ADARB2: variants seen among roughly 807,000 people sequenced by gnomAD.
ADARB2 encodes adenosine deaminase RNA specific B2 (inactive).
Under a neutral mutation model 62.2 loss-of-function variants are expected in ADARB2, and 25 were observed. The ratio of observed to expected loss-of-function variants is 0.40; its 90% CI spans 0.29 to 0.56. The LOEUF (loss-of-function observed/expected upper bound fraction) is 0.56. ADARB2 is among the 20% of genes least tolerant of loss of function. ADARB2 has a pLI of 0.43. For synonymous variants in ADARB2, 572 were observed against 500.8 expected, an observed-to-expected ratio of 1.14 and a Z score of -1.90; for missense variants, 1,071 against 1,077.4, an observed-to-expected ratio of 0.99 and a Z score of 0.08.
At chr10:1,313,744 G>A (rs980132891) in intron 3 of ADARB2, among the ~76,000 whole-genome samples, 3 of 152,156 alleles carry the variant, frequency 2.0e-5, no homozygotes, top group African/African-American at 4.8e-5. Context: ...CGAGTTAATC[G>A]AGGGGCCTTG....
intron 1 of ADARB2, among the ~76,000 whole-genome samples, chr10:1,564,960 AG>A: frequency 6.6e-6 from 1 of 152,310 alleles, no homozygotes; most frequent in East Asian, 1.9e-4. Flanking sequence ...CCAGCGATTC[AG>A]GCCTGGCCTC....
chr10:1,608,006 A>G (rs1361898167), intron 1 of ADARB2, among the ~76,000 whole-genome samples: 1 of 152,210 alleles, frequency 6.6e-6, no homozygotes, highest in East Asian at 1.9e-4. Flanking sequence ...GCCCTGTCCC[A>G]TGGGGGGCCA....
chr10:1,280,676 C>T (rs768845787), intron 3 of ADARB2, among the ~76,000 whole-genome samples: 4 of 151,344 alleles, frequency 2.6e-5, no homozygotes, highest in Non-Finnish European at 4.4e-5. Flanking sequence ...CTGAGTGATG[C>T]TCTATGAAAT....
chr10:1,198,197 G>A (rs1004163070), intron 8 of ADARB2, among the ~76,000 whole-genome samples: 5 of 152,216 alleles, frequency 3.3e-5, no homozygotes, highest in African/African-American at 7.2e-5. Context: ...GTGTGAGTAA[G>A]GGTATCTTTT....
intron 1 of ADARB2, among the ~76,000 whole-genome samples, chr10:1,519,289 T>C (rs148931380): frequency 0.042 from 6,350 of 152,276 alleles, 215 homozygotes; most frequent in Non-Finnish European, 0.069. Context: ...ATGCATTCCA[T>C]GTAACATCTG....
chr10:1,434,833 T>C (rs552046117), intron 1 of ADARB2, among the ~76,000 whole-genome samples: 26 of 152,206 alleles, frequency 1.7e-4, no homozygotes, highest in Non-Finnish European at 2.9e-4. Flanking sequence ...GCTTAGAAGG[T>C]ACAGAAGCTC....
At chr10:1,719,773 T>A (rs148910830) in intron 1 of ADARB2, among the ~76,000 whole-genome samples, 1 of 152,278 alleles carries the variant, frequency 6.6e-6, no homozygotes, top group Non-Finnish European at 1.5e-5. Context: ...AAACATGCGA[T>A]CCACAAGCAT....
intron 3 of ADARB2, among the ~76,000 whole-genome samples, chr10:1,352,615 A>G (rs1269478948): frequency 1.3e-5 from 2 of 152,204 alleles, no homozygotes; most frequent in African/African-American, 4.8e-5. Flanking sequence ...TAATACTTTT[A>G]GAGGCCCTCA....
chr10:1,348,036 A>T (rs1832097036), intron 3 of ADARB2, among the ~76,000 whole-genome samples: 1 of 151,938 alleles, frequency 6.6e-6, no homozygotes, highest in South Asian at 2.1e-4. Context: ...CGAGAGAGAC[A>T]GAGACAGAAG....
chr10:1,288,509 G>T (rs1831433785), intron 3 of ADARB2, among the ~76,000 whole-genome samples: 1 of 152,196 alleles, frequency 6.6e-6, no homozygotes, highest in African/African-American at 2.4e-5. Context: ...AAAACTCCTT[G>T]CCCAGCACAC....
At chr10:1,495,279 T>A (rs1372469325) in intron 1 of ADARB2, among the ~76,000 whole-genome samples, 1 of 152,234 alleles carries the variant, frequency 6.6e-6, no homozygotes, top group East Asian at 1.9e-4. Flanking sequence ...AGATTCATGC[T>A]GGAGGAAACA....
chr10:1,230,818 C>T (rs1297923404), intron 6 of ADARB2, among the ~76,000 whole-genome samples: 1 of 152,148 alleles, frequency 6.6e-6, no homozygotes, highest in African/African-American at 2.4e-5. Context: ...TGCAGAGGCA[C>T]AGCACAGGCA....
intron 1 of ADARB2, among the ~76,000 whole-genome samples, chr10:1,481,875 A>G (rs1206688064): frequency 1.3e-5 from 2 of 149,560 alleles, no homozygotes; most frequent in Non-Finnish European, 1.5e-5. Flanking sequence ...AAAAAAAGAG[A>G]ATAGAAAAGA....
chr10:1,712,427 C>T (rs1041080288), intron 1 of ADARB2, among the ~76,000 whole-genome samples: 8 of 151,780 alleles, frequency 5.3e-5, no homozygotes, highest in Non-Finnish European at 1.2e-4. Flanking sequence ...GCAGAATATA[C>T]TGCTTTTTTT....
At chr10:1,723,774 T>C (rs984581910) in intron 1 of ADARB2, among the ~76,000 whole-genome samples, 7 of 152,130 alleles carry the variant, frequency 4.6e-5, no homozygotes, top group African/African-American at 1.7e-4. Flanking sequence ...ACCACCCTGT[T>C]AGAGGGCACC....
intron 1 of ADARB2, among the ~76,000 whole-genome samples, chr10:1,443,455 A>G (rs1346825471): frequency 6.6e-6 from 1 of 152,084 alleles, no homozygotes; most frequent in Non-Finnish European, 1.5e-5. Context: ...ATTCCTAACA[A>G]CTTCTTTGAT....
At chr10:1,304,743 C>T (rs1176935000) in intron 3 of ADARB2, among the ~76,000 whole-genome samples, 6 of 147,558 alleles carry the variant, frequency 4.1e-5, no homozygotes, top group Non-Finnish European at 6.0e-5. Context: ...CGCTCAACTA[C>T]ATGGAAACTG....
intron 1 of ADARB2, among the ~76,000 whole-genome samples, chr10:1,501,823 C>T (rs769149657): frequency 7.9e-5 from 12 of 152,158 alleles, no homozygotes; most frequent in Non-Finnish European, 1.5e-4. Context: ...TATTCACTGA[C>T]AAGAACCTGG....
At chr10:1,357,276 G>T (rs1027284283) in intron 3 of ADARB2, among the ~76,000 whole-genome samples, 1 of 152,198 alleles carries the variant, frequency 6.6e-6, no homozygotes, top group Non-Finnish European at 1.5e-5. Context: ...GACAGGAAAA[G>T]ACCCAAAAAT....
Sources: allele counts gnomAD v4.1 joint callset (sites outside exome capture counted in the v4.1 genomes callset), GRCh38; gene constraint gnomAD v4.1.1; transcripts MANE v1.5; gene names NCBI Gene and HGNC (gene_info 2026-07-23, HGNC 2026-07-21).